The following DDHD2 variants were observed in gnomAD, a reference collection of about 807,000 sequenced individuals.
DDHD2 encodes DDHD domain containing 2.
A neutral mutation model predicts 91.2 loss-of-function variants in DDHD2; 62 were observed. The observed-to-expected ratio is 0.68, with a 90% CI of 0.55 to 0.84. DDHD2 has a LOEUF of 0.84. Ranked by LOEUF, DDHD2 falls within the 40% of genes least tolerant of loss-of-function variation. The pLI is 0.00. For missense variants in DDHD2, 740 were observed against 846.9 expected, an observed-to-expected ratio of 0.87 and a Z score of 1.57; for synonymous variants, 271 against 293.9, an observed-to-expected ratio of 0.92 and a Z score of 0.80.
At chr8:38,264,102 G>A (rs773629104), downstream of DDHD2, 161 of 995,448 alleles carry the variant, frequency 1.6e-4, no homozygotes, top group Middle Eastern at 2.6e-3. Flanking sequence ...TCTTGTGCAT[G>A]GTCCGGTTAG....
downstream of DDHD2, chr8:38,263,436 C>G: frequency 3.0e-6 from 3 of 985,388 alleles, no homozygotes; most frequent in Non-Finnish European, 3.6e-6. Context: ...GAAAGAAGCT[C>G]ACAAGTACAG....
chr8:38,271,857 A>G (rs1808491762), downstream of DDHD2: 1 of 152,244 alleles, frequency 6.6e-6, no homozygotes, highest in South Asian at 2.1e-4. Context: ...GGCATGTGGC[A>G]GCCAACACCT....
intron 1 of DDHD2, chr8:38,268,123 G>C: frequency 6.9e-7 from 1 of 1,443,610 alleles, no homozygotes; most frequent in South Asian, 1.5e-5. Flanking sequence ...TTGTAGCCGA[G>C]AACTTTTGTA....
At chr8:38,267,017 G>A (rs1807719491), downstream of DDHD2, 5 of 1,381,104 alleles carry the variant, frequency 3.6e-6, no homozygotes, top group East Asian at 1.3e-4. Context: ...GTACAAGATT[G>A]CAGGATCTAG....
chr8:38,264,288 C>T (rs867844383), downstream of DDHD2: 36 of 716,452 alleles, frequency 5.0e-5, no homozygotes, highest in East Asian at 5.1e-4. Flanking sequence ...GCTGGGATTA[C>T]GGCACACAAC....
At chr8:38,245,992 T>C (rs1805605952) in intron 8 of DDHD2, 42 bp downstream of exon 8, 6 of 1,544,260 alleles carry the variant, frequency 3.9e-6, no homozygotes, top group Non-Finnish European at 3.6e-6. Context: ...GACTATCACA[T>C]TTTAAAGACA....
chr8:38,242,011 GCCA>G, intron 6 of DDHD2: 2 of 368,778 alleles, frequency 5.4e-6, no homozygotes, highest in Non-Finnish European at 9.7e-6. Flanking sequence ...GTGAGATCTC[GCCA>G]CTGCACCCCA....
Position 38,253,070 on chromosome 8 carries a change from T to G in DDHD2, c.1834T>G (p.Ser612Ala), listed in dbSNP as rs142193606. The G allele has an allele frequency of 1.5e-4, 238 of 1,614,040 alleles. No homozygotes were observed. Among genetic ancestry groups the G allele is most frequent in the Non-Finnish European group, 1.9e-4 (229 of 1,180,024 alleles). Reference protein sequence around the residue: ...TRAPYPALQASETPEETEAEP... With the variant: ...TRAPYPALQAAETPEETEAEP... ...AGCTCCATACCCTGCCTTACAAGCT[T>G]CAGAAACACCAGAAGAAACTGAAGC... is the stretch of plus-strand genomic sequence containing the variant. The change falls in exon 15 of 18, where the codon TCA (serine) becomes GCA (alanine). Residue 612 changes from serine (S) to alanine (A), a missense_variant. By Grantham distance (99) the Ser-to-Ala change is moderately conservative. Transcript: ENST00000397166.
downstream of DDHD2, chr8:38,267,712 G>A: frequency 1.5e-6 from 1 of 676,174 alleles, no homozygotes; most frequent in East Asian, 2.7e-5. Context: ...GCAGAAAAGA[G>A]CCCAGGTGTC....
At chr8:38,266,269 C>A (rs779734896), downstream of DDHD2, 3 of 1,613,642 alleles carry the variant, frequency 1.9e-6, no homozygotes, top group Admixed American at 1.7e-5. Flanking sequence ...GTGTAACTTC[C>A]CTGCCAGGTA....
chr8:38,238,003 A>G (rs759984888), intron 4 of DDHD2, 86 bp from the exon 5 acceptor site: 14 of 1,360,986 alleles, frequency 1.0e-5, no homozygotes, highest in Non-Finnish European at 1.2e-5. Flanking sequence ...GTGGTTTGAA[A>G]GACATGATTC....
chr8:38,235,953 G>C (rs1284239642), intron 3 of DDHD2, among the ~76,000 whole-genome samples: 3 of 151,716 alleles, frequency 2.0e-5, no homozygotes, highest in African/African-American at 7.3e-5. Flanking sequence ...ATCTTTTTTA[G>C]CTTTTATTTT....
At chr8:38,268,027 T>A (rs1451284788) in intron 1 of DDHD2, 2 of 1,611,694 alleles carry the variant, frequency 1.2e-6, no homozygotes, top group African/African-American at 2.7e-5. Context: ...GGCCTCGTTA[T>A]GAGAGCAGCC....
chr8:38,234,435 A>G lies in DDHD2; in HGVS notation c.262A>G (p.Arg88Gly). 1 of 1,610,010 alleles carries G rather than the reference A, an allele frequency of 6.2e-7. No homozygotes were observed. The highest frequency in any genetic ancestry group is 8.5e-7 in the Non-Finnish European group (1 of 1,179,286). The stretch of plus-strand genomic sequence containing the variant: ...GAGAGTTGTTCCTACTGATGGGGGC[A>G]GATATGATGTTCATTTGGGGGAGAG... Reference protein sequence around the residue: ...NGRVVPTDGGRYDVHLGERMR... With the variant: ...NGRVVPTDGGGYDVHLGERMR... The change falls in exon 3 of 18, where the codon AGA (arginine) becomes GGA (glycine). Residue 88 changes from arginine (R) to glycine (G), a missense_variant. This residue lies in a region of DDHD2 where 693 missense variants were observed against 764.2 expected (regional missense o/e 0.91). Coordinates refer to ENST00000397166, the MANE Select transcript of DDHD2 (RefSeq NM_015214.3).
downstream of DDHD2, chr8:38,263,913 T>TG (rs1359202433): frequency 2.0e-5 from 20 of 984,342 alleles, no homozygotes; most frequent in Non-Finnish European, 2.4e-5. Context: ...CATAAGGTGT[T>TG]GGACACCTTT....
At chr8:38,238,614 T>G in intron 5 of DDHD2, 1 of 988,136 alleles carries the variant, frequency 1.0e-6, no homozygotes. Flanking sequence ...GTAGGGTCAC[T>G]TATGGTTTTA....
intron 7 of DDHD2, 40 bp downstream of exon 7, chr8:38,242,425 T>G (rs1805327867): frequency 1.3e-6 from 2 of 1,591,682 alleles, no homozygotes; most frequent in South Asian, 2.3e-5. Flanking sequence ...TAGCTGTGAT[T>G]ATATTTTCTG....
downstream of DDHD2, chr8:38,266,534 G>A (rs961714156): frequency 1.4e-4 from 65 of 455,164 alleles, no homozygotes; most frequent in African/African-American, 1.1e-3. Flanking sequence ...CCGAGTAGCT[G>A]GGACTCCATG....
chr8:38,268,193 T>C lies in DDHD2; in HGVS notation n.88-2929T>C, dbSNP rs532446954. The C allele has an allele frequency of 2.5e-5, 28 of 1,128,162 alleles. No individual in the cohort carries two copies. In the African/African-American group the frequency reaches 3.8e-4, roughly 15 times the overall value. The allele number at this position is 1,128,162 out of a possible 1,614,324, so 69.9% of individuals were successfully genotyped here. On this transcript the variant is annotated intron_variant and non_coding_transcript_variant, in intron 1 of 1. Transcript: ENST00000526071. ...CAGTGCATTTAGGCACAGGGCTGCC[T>C]GCCGTGTAGCCTGCGTAACCAAGTC...
Sources: gnomAD v4.1 joint callset for allele counts (sites outside exome capture counted in the v4.1 genomes callset) on GRCh38, gnomAD v4.1.1 for gene constraint, gnomAD v4.1.1 regional missense constraint, MANE v1.5 for transcripts, NCBI Gene and HGNC (gene_info 2026-07-23, HGNC 2026-07-21) for gene names.